The following GULP1 variants were observed in gnomAD, a reference collection of about 807,000 sequenced individuals.
GULP1 encodes the protein GULP PTB domain containing engulfment adaptor 1, also known as PTB domain-containing engulfment adapter protein 1.
A neutral mutation model predicts 40.9 loss-of-function variants in GULP1; 19 were observed. The observed-to-expected ratio is 0.46, with a 90% CI of 0.32 to 0.68. The LOEUF (loss-of-function observed/expected upper bound fraction) is 0.68. Ranked by LOEUF, GULP1 falls within the 30% of genes least tolerant of loss-of-function variation. The pLI is 0.03. For synonymous variants in GULP1, 119 were observed against 117.6 expected (o/e 1.01, Z -0.08); for missense variants, 312 against 362.2 (o/e 0.86, Z 1.12).
intron 1 of GULP1, among the ~76,000 whole-genome samples, chr2:188,302,341 T>A (rs2036276106): frequency 6.6e-6 from 1 of 152,184 alleles, no homozygotes; most frequent in African/African-American, 2.4e-5. Flanking sequence ...TAAAATTTTT[T>A]GAAATATAAA....
intron 7 of GULP1, among the ~76,000 whole-genome samples, chr2:188,563,385 G>A (rs115049576): frequency 0.011 from 1,654 of 151,058 alleles, 37 homozygotes; most frequent in African/African-American, 0.037. Flanking sequence ...TATTATACCA[G>A]TAAATTTGGT....
At position 188,565,055 on chromosome 2, in the gene GULP1, T is replaced by A. The variant is rs1697315357; in HGVS notation, c.400-4184T>A. The stretch of plus-strand genomic sequence containing the variant: ...GCTACATAAAACTATTTGAGGTGGA[T>A]CATAGACATAAAAGTAGAAGCTTTT... On this transcript the variant is annotated intron_variant, in intron 7 of 11. Transcript: ENST00000409830. Among the ~76,000 whole-genome samples, 2 of 151,924 alleles carry A rather than the reference T, an allele frequency of 1.3e-5. 1 individual carries two copies. Among genetic ancestry groups the A allele is most frequent in the Non-Finnish European group, 2.9e-5 (2 of 67,830 alleles).
intron 2 of GULP1, among the ~76,000 whole-genome samples, chr2:188,469,394 T>G (rs1478001834): frequency 6.6e-6 from 1 of 152,160 alleles, no homozygotes; most frequent in Non-Finnish European, 1.5e-5. Context: ...AGTGCATTAG[T>G]CCATTCTCAC....
intron 1 of GULP1, among the ~76,000 whole-genome samples, chr2:188,373,469 T>C (rs910668017): frequency 6.6e-6 from 1 of 152,046 alleles, no homozygotes; most frequent in Non-Finnish European, 1.5e-5. Flanking sequence ...GCATCTGATA[T>C]ATCTTAAGTT....
chr2:188,364,181 A>G (rs779627539), intron 1 of GULP1, among the ~76,000 whole-genome samples: 2 of 152,094 alleles, frequency 1.3e-5, no homozygotes, highest in Admixed American at 1.3e-4. Flanking sequence ...GCAATAGGCA[A>G]TCCTTTTGCA....
intron 6 of GULP1, among the ~76,000 whole-genome samples, chr2:188,536,253 A>G (rs1688905302): frequency 1.3e-5 from 2 of 152,018 alleles, no homozygotes; most frequent in African/African-American, 4.8e-5. Context: ...AACTTAGACA[A>G]AAATTCTTTA....
chr2:188,324,633 A>T (rs2040481970), intron 1 of GULP1, among the ~76,000 whole-genome samples: 1 of 151,936 alleles, frequency 6.6e-6, no homozygotes, highest in South Asian at 2.1e-4. Flanking sequence ...AAATAAATTA[A>T]ATATCAATTT....
chr2:188,496,359 G>A (rs763820967), intron 4 of GULP1, among the ~76,000 whole-genome samples: 15 of 152,040 alleles, frequency 9.9e-5, no homozygotes, highest in Non-Finnish European at 1.9e-4. Context: ...CATTAGAATG[G>A]TATTGCTCTA....
chr2:188,503,507 C>G (rs533993091), intron 4 of GULP1, among the ~76,000 whole-genome samples: 8 of 151,984 alleles, frequency 5.3e-5, no homozygotes, highest in African/African-American at 1.9e-4. Context: ...GAAACTGCCC[C>G]CCGTGATCCA....
intron 1 of GULP1, among the ~76,000 whole-genome samples, chr2:188,373,258 C>T (rs9288156): frequency 0.023 from 3,414 of 151,728 alleles, 139 homozygotes; most frequent in African/African-American, 0.078. Flanking sequence ...TACAGTTGAA[C>T]TAATTTAAGA....
intron 2 of GULP1, among the ~76,000 whole-genome samples, chr2:188,413,508 A>G (rs2054183878): frequency 6.6e-6 from 1 of 152,104 alleles, no homozygotes; most frequent in African/African-American, 2.4e-5. Context: ...GTCTGTTCAT[A>G]TCCTTTGCCC....
chr2:188,555,014 C>T (rs1335973054), intron 7 of GULP1, among the ~76,000 whole-genome samples: 1 of 151,764 alleles, frequency 6.6e-6, no homozygotes, highest in Non-Finnish European at 1.5e-5. Context: ...TGTCTCTTTA[C>T]TTTTAGTCTA....
intron 4 of GULP1, among the ~76,000 whole-genome samples, chr2:188,491,983 A>G (rs1256134847): frequency 2.0e-5 from 3 of 152,032 alleles, no homozygotes; most frequent in Non-Finnish European, 4.4e-5. Context: ...TGCTAGAACT[A>G]AGTGGTTTAT....
At chr2:188,565,778 A>G (rs1165084002) in intron 7 of GULP1, among the ~76,000 whole-genome samples, 1 of 152,114 alleles carries the variant, frequency 6.6e-6, no homozygotes, top group African/African-American at 2.4e-5. Flanking sequence ...AAAACCATGA[A>G]TGTCCATCCA....
At chr2:188,390,858 A>G (rs761367174) in intron 2 of GULP1, among the ~76,000 whole-genome samples, 7 of 151,996 alleles carry the variant, frequency 4.6e-5, no homozygotes, top group Non-Finnish European at 5.9e-5. Context: ...TCCCAGAACC[A>G]TTTATTAAGT....
intron 7 of GULP1, among the ~76,000 whole-genome samples, chr2:188,557,501 A>C (rs1242752226): frequency 6.6e-6 from 1 of 152,228 alleles, no homozygotes; most frequent in African/African-American, 2.4e-5. Flanking sequence ...TCCATGTCCC[A>C]TATCCAGGGC....
chr2:188,371,714 G>A (rs944675015), intron 1 of GULP1, among the ~76,000 whole-genome samples: 1 of 151,988 alleles, frequency 6.6e-6, no homozygotes, highest in African/African-American at 2.4e-5. Context: ...GCATTTAATA[G>A]GCTGACATCT....
intron 1 of GULP1, among the ~76,000 whole-genome samples, chr2:188,342,928 T>A (rs1354500859): frequency 2.0e-5 from 3 of 152,182 alleles, no homozygotes; most frequent in Non-Finnish European, 4.4e-5. Context: ...TAACACATAT[T>A]TCAGTCCTAA....
chr2:188,487,011 A>G (rs1188377763), intron 4 of GULP1, among the ~76,000 whole-genome samples: 2 of 151,980 alleles, frequency 1.3e-5, no homozygotes, highest in Non-Finnish European at 2.9e-5. Flanking sequence ...AGTAAAGTTG[A>G]CAGAATCAAT....
Sources: allele counts gnomAD v4.1 joint callset (sites outside exome capture counted in the v4.1 genomes callset), GRCh38; gene constraint gnomAD v4.1.1; transcripts MANE v1.5; gene names NCBI Gene and HGNC (gene_info 2026-07-23, HGNC 2026-07-21).